Variants in RASSF8 observed in about 807,000 individuals in gnomAD.
RASSF8 encodes the protein ras association domain-containing protein 8.
A neutral mutation model predicts 48.5 loss-of-function variants in RASSF8; 22 were observed. That is an observed-to-expected ratio of 0.45 (90% confidence interval 0.32 to 0.65). The LOEUF (loss-of-function observed/expected upper bound fraction) is 0.65. Ranked by LOEUF, RASSF8 falls within the 30% of genes least tolerant of loss-of-function variation. The probability of loss-of-function intolerance (pLI) is 0.03; values close to 1 mark genes in which losing one functional copy is unlikely to be tolerated. For missense variants in RASSF8, 418 were observed against 489.2 expected, an observed-to-expected ratio of 0.85 and a Z score of 1.37; for synonymous variants, 127 against 171.5, an observed-to-expected ratio of 0.74 and a Z score of 2.03.
At chr12:26,067,808 A>G in intron 5 of RASSF8, 95 bp downstream of exon 5, 1 of 1,486,180 alleles carries the variant, frequency 6.7e-7, no homozygotes, top group Non-Finnish European at 9.2e-7. Flanking sequence ...TGTATCGCCC[A>G]GGCTGGAATG....
chr12:25,999,237 C>T (rs551145178), intron 2 of RASSF8, among the ~76,000 whole-genome samples: 3 of 152,264 alleles, frequency 2.0e-5, no homozygotes, highest in South Asian at 2.1e-4. Flanking sequence ...AAATTAGTTT[C>T]CTGATTCACA....
intron 2 of RASSF8, among the ~76,000 whole-genome samples, chr12:26,048,299 C>T (rs1317666370): frequency 6.6e-6 from 1 of 152,208 alleles, no homozygotes; most frequent in African/African-American, 2.4e-5. Flanking sequence ...GTATGAGAAG[C>T]TGACAGCTTC....
intron 1 of RASSF8, among the ~76,000 whole-genome samples, chr12:25,971,570 GA>G (rs139868434): frequency 0.066 from 9,905 of 149,082 alleles, 707 homozygotes; most frequent in East Asian, 0.27. Flanking sequence ...ATTTCATATG[GA>G]AAAAAAAGAA....
intron 2 of RASSF8, among the ~76,000 whole-genome samples, chr12:26,028,663 CTT>C (rs1249277776): frequency 1.3e-5 from 2 of 152,060 alleles, no homozygotes; most frequent in Non-Finnish European, 2.9e-5. Context: ...GAGGTTGAAA[CTT>C]TTGGTTGTCA....
Position 25,962,542 on chromosome 12 carries a change from C to G in RASSF8, c.-203+3394C>G, listed in dbSNP as rs146689676. Among the ~76,000 whole-genome samples the G allele has an allele frequency of 3.2e-3, 486 of 152,138 alleles. 2 individuals are homozygous for G. Among genetic ancestry groups the G allele is most frequent in the African/African-American group, 0.011 (468 of 41,482 alleles). On this transcript the variant is annotated intron_variant, in intron 1 of 5. Transcript: ENST00000689635. ...CAGTGCCCAGTATATGTAGTAGGTG[C>G]TCAATAAATATGTTGATATAATGAG...
intron 2 of RASSF8, among the ~76,000 whole-genome samples, chr12:26,016,720 A>G (rs1462035758): frequency 6.6e-6 from 1 of 152,194 alleles, no homozygotes; most frequent in African/African-American, 2.4e-5. Context: ...AGTCCATTTC[A>G]TAAGGTGTGA....
intron 3 of RASSF8, among the ~76,000 whole-genome samples, chr12:26,063,780 CCAAAA>C (rs1255069502): frequency 6.6e-6 from 1 of 151,222 alleles, no homozygotes; most frequent in African/African-American, 2.4e-5. Flanking sequence ...TATCATATTA[CCAAAA>C]CTGAACAAGT....
intron 1 of RASSF8, among the ~76,000 whole-genome samples, chr12:25,986,564 A>C (rs1053117736): frequency 6.6e-6 from 1 of 152,186 alleles, no homozygotes; most frequent in Non-Finnish European, 1.5e-5. Flanking sequence ...TATGATGTGC[A>C]GGCTGCTCCC....
chr12:26,000,920 G>A lies in RASSF8; in HGVS notation c.-109+5790G>A, dbSNP rs375507553. ...GAATGTGAGGGCCGAGGACATTATTGCACTCTTCTGTAAACTTTGTAAACA... is the reference window on the plus strand; with the variant it reads ...GAATGTGAGGGCCGAGGACATTATTACACTCTTCTGTAAACTTTGTAAACA... On this transcript the variant is annotated intron_variant, in intron 2 of 5. Coordinates refer to ENST00000689635, the MANE Select transcript of RASSF8 (RefSeq NM_001394098.1). 6.6e-5 allele frequency among the ~76,000 whole-genome samples: 10 copies of A among 151,030 alleles called. No individual in the cohort carries two copies. In the East Asian group the frequency reaches 1.5e-3, roughly 23 times the overall value.
intron 3 of RASSF8, among the ~76,000 whole-genome samples, chr12:26,062,665 A>T (rs1359034980): frequency 6.6e-6 from 1 of 152,168 alleles, no homozygotes; most frequent in African/African-American, 2.4e-5. Context: ...GTTGCTTTTT[A>T]AAAGTCAGAT....
intron 1 of RASSF8, among the ~76,000 whole-genome samples, chr12:25,975,344 G>A (rs1350458852): frequency 6.6e-6 from 1 of 152,206 alleles, no homozygotes; most frequent in African/African-American, 2.4e-5. Flanking sequence ...CCAGGGTAAA[G>A]GATGTTCATG....
chr12:25,992,129 G>A (rs1428098202), intron 1 of RASSF8, among the ~76,000 whole-genome samples: 1 of 152,182 alleles, frequency 6.6e-6, no homozygotes, highest in African/African-American at 2.4e-5. Flanking sequence ...CTGAGGATAA[G>A]CTCAGAACCA....
chr12:25,965,363 C>CATT (rs1941334912), intron 1 of RASSF8, among the ~76,000 whole-genome samples: 2 of 116,892 alleles, frequency 1.7e-5, no homozygotes, highest in Non-Finnish European at 3.5e-5. Flanking sequence ...TCCCAAATTT[C>CATT]TTTTTTTTTT....
intron 1 of RASSF8, among the ~76,000 whole-genome samples, chr12:25,984,040 T>C (rs1941809459): frequency 6.6e-6 from 1 of 152,114 alleles, no homozygotes; most frequent in South Asian, 2.1e-4. Flanking sequence ...AGTAGTACAT[T>C]GTTTAAGGAT....
At chr12:25,983,832 G>T (rs1941802898) in intron 1 of RASSF8, among the ~76,000 whole-genome samples, 1 of 152,180 alleles carries the variant, frequency 6.6e-6, no homozygotes, top group Non-Finnish European at 1.5e-5. Flanking sequence ...TAGACACCAT[G>T]CAGTCAGTGT....
At chr12:25,984,436 C>A in intron 1 of RASSF8, among the ~76,000 whole-genome samples, 1 of 151,644 alleles carries the variant, frequency 6.6e-6, no homozygotes, top group African/African-American at 2.4e-5. Flanking sequence ...TCTTCCTCCC[C>A]GGTTCAGGCA....
At chr12:25,989,605 C>G (rs1300994867) in intron 1 of RASSF8, among the ~76,000 whole-genome samples, 3 of 152,200 alleles carry the variant, frequency 2.0e-5, no homozygotes, top group Non-Finnish European at 4.4e-5. Context: ...CTGGTTTAAA[C>G]AAAAATGATT....
chr12:26,073,955 TATATAG>T (rs1417611705), downstream of RASSF8, among the ~76,000 whole-genome samples: 2 of 150,962 alleles, frequency 1.3e-5, no homozygotes, highest in African/African-American at 4.9e-5. Context: ...CCCATCTATA[TATATAG>T]AGAGAGAGAG....
At chr12:25,984,494 C>T (rs533119947) in intron 1 of RASSF8, among the ~76,000 whole-genome samples, 33 of 152,222 alleles carry the variant, frequency 2.2e-4, no homozygotes, top group Non-Finnish European at 3.1e-4. Context: ...AGGCGCACAC[C>T]GCTATGCCCA....
Sources: allele counts gnomAD v4.1 joint callset (sites outside exome capture counted in the v4.1 genomes callset), GRCh38; gene constraint gnomAD v4.1.1; transcripts MANE v1.5; gene names NCBI Gene and HGNC (gene_info 2026-07-23, HGNC 2026-07-21).